ZC3H12B: variants seen among roughly 807,000 people sequenced by gnomAD.
The protein encoded by ZC3H12B is probable ribonuclease ZC3H12B.
A neutral mutation model predicts 43.9 loss-of-function variants in ZC3H12B; 7 were observed. The ratio of observed to expected loss-of-function variants is 0.16; its 90% CI spans 0.09 to 0.30. The LOEUF (loss-of-function observed/expected upper bound fraction) is 0.30. ZC3H12B is among the 10% of genes least tolerant of loss of function. The pLI is 1.00. For missense variants in ZC3H12B, 475 were observed against 670.2 expected (o/e 0.71, Z 3.22); for synonymous variants, 222 against 241.7 (o/e 0.92, Z 0.76).
At chrX:65,127,351 TTCA>T in the ZC3H12B span, among the ~76,000 whole-genome samples, 1 of 112,390 alleles carries the variant, frequency 8.9e-6, no homozygotes, top group Non-Finnish European at 1.9e-5. Context: ...TGTAACATGA[TTCA>T]TCATCAGGTC....
the ZC3H12B span, among the ~76,000 whole-genome samples, chrX:65,252,404 TG>T: frequency 2.7e-4 from 30 of 112,086 alleles, 1 homozygote; most frequent in East Asian, 8.1e-3. Flanking sequence ...TCTCTCTTTT[TG>T]TTGTGTCTCT....
chrX:65,394,689 C>T (rs2066672739), intron 2 of ZC3H12B, among the ~76,000 whole-genome samples: 1 of 111,606 alleles, frequency 9.0e-6, no homozygotes, highest in Admixed American at 9.5e-5. Flanking sequence ...ATACAGGCTC[C>T]TTTTTTGGTT....
chrX:65,110,507 A>T, the ZC3H12B span, among the ~76,000 whole-genome samples: 4 of 110,048 alleles, frequency 3.6e-5, no homozygotes, highest in Non-Finnish European at 7.6e-5. Context: ...TTACCTATGG[A>T]TGCACAATTG....
the ZC3H12B span, among the ~76,000 whole-genome samples, chrX:65,080,276 A>C: frequency 1.8e-5 from 2 of 109,359 alleles, no homozygotes; most frequent in African/African-American, 6.6e-5. Flanking sequence ...CTTAACGAAG[A>C]GGTAGAGAAA....
intron 3 of ZC3H12B, among the ~76,000 whole-genome samples, chrX:65,461,531 G>T (rs1006594825): frequency 4.5e-5 from 5 of 112,073 alleles, no homozygotes; most frequent in African/African-American, 1.6e-4. Flanking sequence ...CATAAAAAAG[G>T]ATGAGTTCTT....
chrX:65,133,808 C>T, the ZC3H12B span, among the ~76,000 whole-genome samples: 1 of 110,012 alleles, frequency 9.1e-6, no homozygotes, highest in Non-Finnish European at 1.9e-5. Context: ...ACTGAAGGAA[C>T]AGACAGGAGA....
chrX:65,040,006 T>A, the ZC3H12B span, among the ~76,000 whole-genome samples: 1 of 111,815 alleles, frequency 8.9e-6, no homozygotes, highest in Non-Finnish European at 1.9e-5. Flanking sequence ...AGGAATAACT[T>A]CTCTGTTCTT....
At chrX:65,182,359 G>A in the ZC3H12B span, among the ~76,000 whole-genome samples, 1 of 110,801 alleles carries the variant, frequency 9.0e-6, no homozygotes, top group Non-Finnish European at 1.9e-5. Flanking sequence ...CATAGCACAT[G>A]TTTACCTATG....
At chrX:65,192,304 T>G in the ZC3H12B span, among the ~76,000 whole-genome samples, 1 of 111,983 alleles carries the variant, frequency 8.9e-6, no homozygotes, top group African/African-American at 3.2e-5. Flanking sequence ...CAAACAAGGA[T>G]AATTTGACTT....
At chrX:65,147,329 G>A in the ZC3H12B span, among the ~76,000 whole-genome samples, 1 of 111,382 alleles carries the variant, frequency 9.0e-6, no homozygotes, top group Non-Finnish European at 1.9e-5. Context: ...GAAGTTGGAT[G>A]GGCCCAGTGC....
At chrX:65,283,809 G>A in the ZC3H12B span, among the ~76,000 whole-genome samples, 1 of 111,859 alleles carries the variant, frequency 8.9e-6, no homozygotes, top group African/African-American at 3.2e-5. Context: ...ATGGAAATTT[G>A]GGCTGTTGCT....
chrX:65,403,185 G>C (rs746280567), intron 3 of ZC3H12B, among the ~76,000 whole-genome samples: 1 of 112,209 alleles, frequency 8.9e-6, no homozygotes, highest in Non-Finnish European at 1.9e-5. Context: ...CAACTGGCAT[G>C]CTGAAGAATG....
chrX:65,281,080 GAAT>G, the ZC3H12B span, among the ~76,000 whole-genome samples: 5 of 110,590 alleles, frequency 4.5e-5, no homozygotes, highest in African/African-American at 9.9e-5. Flanking sequence ...TGATTAAAAA[GAAT>G]AAAGCTAAGG....
Position 65,414,765 on chromosome X carries a change from T to C in ZC3H12B, n.407+16061T>C, listed in dbSNP as rs142130522. ...AAGAAAGCAGAATGACATAGAGAGA[T>C]GGAATCAGATAGATCTAAGTTCAAA... is the stretch of plus-strand genomic sequence containing the variant. On this transcript the variant is annotated intron_variant and non_coding_transcript_variant, in intron 3 of 5. Coordinates refer to the ZC3H12B transcript ENST00000617377. 3.9e-3 allele frequency among the ~76,000 whole-genome samples: 438 copies of C among 112,133 alleles called. 2 individuals are homozygous for C. The highest frequency in any genetic ancestry group is 0.014 in the African/African-American group (427 of 30,872).
the ZC3H12B span, among the ~76,000 whole-genome samples, chrX:65,199,681 G>T: frequency 7.2e-5 from 8 of 110,860 alleles, no homozygotes; most frequent in Non-Finnish European, 1.3e-4. Flanking sequence ...CCACATATAA[G>T]TGGGAACATG....
chrX:65,417,616 G>A (rs2066975909), intron 3 of ZC3H12B, among the ~76,000 whole-genome samples: 1 of 112,405 alleles, frequency 8.9e-6, no homozygotes, highest in African/African-American at 3.2e-5. Context: ...ACATTCTATG[G>A]CAGATTAAAT....
chrX:65,044,515 AAG>A, the ZC3H12B span, among the ~76,000 whole-genome samples: 1 of 108,879 alleles, frequency 9.2e-6, no homozygotes, highest in African/African-American at 3.5e-5. Flanking sequence ...TTTATATGTA[AAG>A]AGAGAATATT....
intron 3 of ZC3H12B, among the ~76,000 whole-genome samples, chrX:65,443,867 A>T (rs1197820293): frequency 8.9e-6 from 1 of 112,626 alleles, no homozygotes; most frequent in African/African-American, 3.2e-5. Flanking sequence ...ATCTATTTCC[A>T]TCATTTTATT....
At chrX:65,224,514 C>A in the ZC3H12B span, among the ~76,000 whole-genome samples, 1 of 112,615 alleles carries the variant, frequency 8.9e-6, no homozygotes, top group Non-Finnish European at 1.9e-5. Context: ...GAGTGCCAGA[C>A]AGTGGGCGCA....
Sources: gnomAD v4.1 joint callset for allele counts (sites outside exome capture counted in the v4.1 genomes callset) on GRCh38, gnomAD v4.1.1 for gene constraint, MANE v1.5 for transcripts, NCBI Gene and HGNC (gene_info 2026-07-23, HGNC 2026-07-21) for gene names.